The following CCDC146 variants were observed in gnomAD, a reference collection of about 807,000 sequenced individuals.
The protein encoded by CCDC146 is coiled-coil domain-containing protein 146.
In CCDC146, 92 loss-of-function variants were observed where a neutral mutation model predicts 119.3. The observed-to-expected ratio is 0.77, with a 90% CI of 0.65 to 0.92. The LOEUF is 0.92. Among genes scored for constraint, CCDC146 ranks in the 40% least tolerant of loss-of-function variants. The pLI, the probability that CCDC146 is intolerant of heterozygous loss-of-function variation, is 0.00. For missense variants in CCDC146, 1,000 were observed against 1,103.0 expected, an observed-to-expected ratio of 0.91 and a Z score of 1.32; for synonymous variants, 372 against 371.8, an observed-to-expected ratio of 1.00 and a Z score of -0.01.
At chr7:77,165,974 T>C (rs1402983135) in intron 1 of CCDC146, among the ~76,000 whole-genome samples, 1 of 152,194 alleles carries the variant, frequency 6.6e-6, no homozygotes, top group East Asian at 1.9e-4. Context: ...CAGAAAATAA[T>C]AGTTTTCCAA....
intron 14 of CCDC146, among the ~76,000 whole-genome samples, chr7:77,281,323 A>T (rs1017829757): frequency 3.3e-5 from 5 of 152,208 alleles, no homozygotes; most frequent in African/African-American, 9.6e-5. Flanking sequence ...GTTTGGTCTT[A>T]TTATATTTAG....
intron 1 of CCDC146, among the ~76,000 whole-genome samples, chr7:77,140,776 A>AT (rs1201263867): frequency 6.6e-6 from 1 of 152,222 alleles, no homozygotes; most frequent in Non-Finnish European, 1.5e-5. Context: ...AATCTAATTC[A>AT]ATACAAGATG....
chr7:77,128,655 GGTCTGC>G, intron 1 of CCDC146, among the ~76,000 whole-genome samples: 1 of 151,376 alleles, frequency 6.6e-6, no homozygotes, highest in Non-Finnish European at 1.5e-5. Context: ...TTTCCGTTTT[GGTCTGC>G]TGGCCCTGCC....
chr7:77,170,096 G>A (rs34906378), intron 2 of CCDC146, among the ~76,000 whole-genome samples: 2 of 151,874 alleles, frequency 1.3e-5, no homozygotes, highest in South Asian at 2.1e-4. Context: ...CCTAGTACCC[G>A]GTAGGTAGTT....
chr7:77,231,680 C>T (rs1792630945), intron 2 of CCDC146, among the ~76,000 whole-genome samples: 1 of 152,066 alleles, frequency 6.6e-6, no homozygotes, highest in Non-Finnish European at 1.5e-5. Context: ...CTATTTGATG[C>T]ATTGTCATCA....
intron 1 of CCDC146, among the ~76,000 whole-genome samples, chr7:77,154,603 G>T (rs953958492): frequency 5.3e-5 from 8 of 151,804 alleles, no homozygotes; most frequent in Non-Finnish European, 1.2e-4. Context: ...ATGGTTTCCA[G>T]TTTCATCCAT....
At chr7:77,153,955 C>A (rs1409077506) in intron 1 of CCDC146, among the ~76,000 whole-genome samples, 1 of 151,896 alleles carries the variant, frequency 6.6e-6, no homozygotes, top group Non-Finnish European at 1.5e-5. Context: ...CAATCATAAA[C>A]TAGAATACCA....
chr7:77,188,215 C>T (rs1440321019), intron 2 of CCDC146, among the ~76,000 whole-genome samples: 3 of 152,098 alleles, frequency 2.0e-5, no homozygotes, highest in Non-Finnish European at 4.4e-5. Flanking sequence ...AAATTTAATT[C>T]GGGTGAAGTT....
intron 1 of CCDC146, among the ~76,000 whole-genome samples, chr7:77,129,205 C>T (rs1196805518): frequency 2.0e-5 from 3 of 152,134 alleles, no homozygotes; most frequent in Non-Finnish European, 4.4e-5. Context: ...TGTCTCACTC[C>T]ATCCTTTGTG....
At chr7:77,248,175 CAGAA>C (rs1007306606) in intron 4 of CCDC146, among the ~76,000 whole-genome samples, 29 of 152,260 alleles carry the variant, frequency 1.9e-4, no homozygotes, top group African/African-American at 6.7e-4. Flanking sequence ...AACTCACAAA[CAGAA>C]AGCCAAATAC....
At chr7:77,155,487 G>C (rs1398035591) in intron 1 of CCDC146, among the ~76,000 whole-genome samples, 4 of 151,832 alleles carry the variant, frequency 2.6e-5, no homozygotes, top group African/African-American at 9.7e-5. Context: ...AAAGGGCTTT[G>C]CTAAGACCAC....
intron 1 of CCDC146, among the ~76,000 whole-genome samples, chr7:77,148,625 T>G (rs12112658): frequency 0.21 from 32,556 of 151,918 alleles, 3,738 homozygotes; most frequent in African/African-American, 0.24. Context: ...AGCAACTTTG[T>G]CAACGCCTCA....
At chr7:77,248,885 A>C (rs1247232100) in intron 4 of CCDC146, among the ~76,000 whole-genome samples, 4 of 152,212 alleles carry the variant, frequency 2.6e-5, no homozygotes, top group Admixed American at 6.5e-5. Context: ...GAACAAAACC[A>C]TATGTTCCCA....
intron 1 of CCDC146, among the ~76,000 whole-genome samples, chr7:77,159,760 G>A (rs965353194): frequency 1.3e-5 from 2 of 152,154 alleles, no homozygotes; most frequent in African/African-American, 2.4e-5. Context: ...GTGTACAAGG[G>A]TTCCTTTTTC....
In CCDC146 at chr7:77,259,022, C is replaced by G. The variant is rs1219926073; in HGVS notation, c.712C>G (p.Pro238Ala). ...TGAAGTGGCCCACCATCAAACCATT[C>G]CAGTACAAATTGGAAAAGAGATAGA... Reference protein sequence around the residue: ...KDEVAHHQTIPVQIGKEIEKI... With the variant: ...KDEVAHHQTIAVQIGKEIEKI... The change falls in exon 7 of 19, where the codon CCA becomes GCA. Residue 238 changes from proline (P) to alanine (A), a missense_variant. By Grantham distance (27) the Pro-to-Ala change is conservative. Around this residue, in one of 2 missense-constraint regions of CCDC146, gnomAD observed 985 missense variants for 1,045.3 expected, o/e 0.94. Coordinates refer to ENST00000285871, the MANE Select transcript of CCDC146 (RefSeq NM_020879.3). 1 of 1,612,444 alleles carries G rather than the reference C, an allele frequency of 6.2e-7. No individual in the cohort carries two copies. Among genetic ancestry groups the G allele is most frequent in the Non-Finnish European group, 8.5e-7 (1 of 1,178,842 alleles).
chr7:77,238,657 T>TGCA (rs1195705943), intron 3 of CCDC146, among the ~76,000 whole-genome samples: 1 of 152,144 alleles, frequency 6.6e-6, no homozygotes, highest in Non-Finnish European at 1.5e-5. Flanking sequence ...GACCTTGTGA[T>TGCA]CCTCACGCCT....
chr7:77,251,487 T>G (rs1428043275), intron 4 of CCDC146, among the ~76,000 whole-genome samples: 1 of 152,230 alleles, frequency 6.6e-6, no homozygotes, highest in Non-Finnish European at 1.5e-5. Flanking sequence ...GGTTGCTCTG[T>G]CTCTTCAGAT....
chr7:77,262,332 A>AT (rs1266845167), intron 9 of CCDC146, 25 bp downstream of exon 9: 6 of 1,506,000 alleles, frequency 4.0e-6, no homozygotes, highest in Non-Finnish European at 5.3e-6. Context: ...CTACCATCTG[A>AT]TTTTTAAGCT....
chr7:77,249,500 A>G (rs1793017693), intron 4 of CCDC146, among the ~76,000 whole-genome samples: 1 of 151,776 alleles, frequency 6.6e-6, no homozygotes, highest in Non-Finnish European at 1.5e-5. Flanking sequence ...AAAAAAAAAA[A>G]AAAAAAAGAA....
Sources: gnomAD v4.1 joint callset for allele counts (sites outside exome capture counted in the v4.1 genomes callset) on GRCh38, gnomAD v4.1.1 for gene constraint, gnomAD v4.1.1 regional missense constraint, MANE v1.5 for transcripts, NCBI Gene and HGNC (gene_info 2026-07-23, HGNC 2026-07-21) for gene names.